The following NSMCE1 variants were observed in gnomAD, a reference collection of about 807,000 sequenced individuals.
The protein encoded by NSMCE1 is NSE1 component of SMC5/6 complex.
In NSMCE1, 18 loss-of-function variants were observed where a neutral mutation model predicts 29.6. The observed-to-expected ratio is 0.61, with a 90% CI of 0.42 to 0.90. NSMCE1 has a LOEUF of 0.90. NSMCE1 is among the 40% of genes least tolerant of loss of function. The pLI, the probability that NSMCE1 is intolerant of heterozygous loss-of-function variation, is 0.00. For missense variants in NSMCE1, 314 were observed against 343.6 expected (o/e 0.91, Z 0.68); for synonymous variants, 124 against 133.4 (o/e 0.93, Z 0.49).
intron 1 of NSMCE1, among the ~76,000 whole-genome samples, chr16:27,261,770 T>C (rs1368769623): frequency 5.3e-5 from 8 of 152,186 alleles, no homozygotes; most frequent in Admixed American, 5.2e-4. Flanking sequence ...AAAGGAAAAT[T>C]ACAAGCCAGT....
chr16:27,240,202 C>T (rs1317203149), intron 2 of NSMCE1, among the ~76,000 whole-genome samples: 2 of 152,156 alleles, frequency 1.3e-5, no homozygotes, highest in South Asian at 2.1e-4. Flanking sequence ...CAGACCCCAC[C>T]GTCATCTCGT....
intron 2 of NSMCE1, among the ~76,000 whole-genome samples, chr16:27,254,873 T>A: frequency 2.9e-5 from 2 of 69,146 alleles, no homozygotes; most frequent in Non-Finnish European, 5.9e-5. Context: ...ATGCTTTTTT[T>A]TTTTTTTTTT....
chr16:27,240,261 T>C (rs2083878867), intron 2 of NSMCE1, among the ~76,000 whole-genome samples: 1 of 152,162 alleles, frequency 6.6e-6, no homozygotes, highest in East Asian at 1.9e-4. Context: ...CAAGAGAGAC[T>C]GGGCCAACAG....
intron 1 of NSMCE1, among the ~76,000 whole-genome samples, chr16:27,262,435 G>C (rs1329450643): frequency 6.6e-6 from 1 of 152,006 alleles, no homozygotes; most frequent in Non-Finnish European, 1.5e-5. Context: ...CCAAAATTAA[G>C]GCCATACACC....
At chr16:27,243,071 C>T (rs2083911392) in intron 2 of NSMCE1, among the ~76,000 whole-genome samples, 3 of 152,230 alleles carry the variant, frequency 2.0e-5, no homozygotes, top group Admixed American at 6.5e-5. Context: ...AGGGAGCTGG[C>T]GGCACGCATT....
chr16:27,257,139 C>G (rs1217567902), intron 2 of NSMCE1, among the ~76,000 whole-genome samples: 1 of 152,228 alleles, frequency 6.6e-6, no homozygotes, highest in Admixed American at 6.5e-5. Flanking sequence ...TTACTATCCT[C>G]ACTTTACAGA....
At chr16:27,247,832 G>A (rs1596686841) in intron 2 of NSMCE1, among the ~76,000 whole-genome samples, 1 of 151,962 alleles carries the variant, frequency 6.6e-6, no homozygotes, top group Non-Finnish European at 1.5e-5. Context: ...GAGGCTGAGG[G>A]AGGAGAATCG....
rs747364953 is a variant in NSMCE1 at position 27,257,525 on chromosome 16, G to C, written c.46C>G (p.Arg16Gly). ...GTCATCAGCAACTGGAGGAAGCGCC[G>C]GTGGACATCAGTCATGACGCCCATT... ...RRMGVMTDVH[R>G]RFLQLLMTHG... The change falls in exon 2 of 8, where the codon CGG becomes GGG. Residue 16 changes from arginine to glycine, a missense_variant. Transcript: ENST00000361439. 1 of 1,613,808 alleles carries C rather than the reference G, an allele frequency of 6.2e-7. No individual in the cohort carries two copies. Among genetic ancestry groups the C allele is most frequent in the Non-Finnish European group, 8.5e-7 (1 of 1,179,932 alleles).
At position 27,232,760 on chromosome 16, in the gene NSMCE1, G is replaced by C. The variant is rs1309594733; in HGVS notation, c.483+241C>G. ...GCCCAAGTCCCTGGGCGCGGCTCCT[G>C]GCTCTGCCATTCTGGCTGTGGCATC... On this transcript the variant is annotated intron_variant, in intron 5 of 7. Transcript: ENST00000361439. The surrounding 1 kb of genome is among the most constrained non-coding windows in gnomAD (Gnocchi z 4.5). Among the ~76,000 whole-genome samples, 1 of 152,240 alleles carries C rather than the reference G, an allele frequency of 6.6e-6. No homozygotes were observed. The highest frequency in any genetic ancestry group is 1.5e-5 in the Non-Finnish European group (1 of 68,048).
rs1459861130 is a variant in NSMCE1 at position 27,251,189 on chromosome 16, T to TATATATATAA, written c.136+6245_136+6246insTTATATATAT. 5.9e-3 allele frequency among the ~76,000 whole-genome samples: 345 copies of TATATATATAA among 58,748 alleles called. 8 individuals are homozygous for TATATATATAA. The highest frequency in any genetic ancestry group is 0.021 in the Middle Eastern group (3 of 144). 38.5% of individuals were successfully genotyped at this position (58,748 alleles called of 152,430 possible). A position where few individuals can be genotyped will look rare whatever the true frequency, so the allele number is the denominator to read the frequency against. On this transcript the variant is annotated intron_variant, in intron 2 of 7. Transcript: ENST00000361439. ...ATATATATATATATATATATATATA[T>TATATATATAA]AAATATATATATATATATAAAACTC...
At chr16:27,248,586 T>C (rs1417657928) in intron 2 of NSMCE1, among the ~76,000 whole-genome samples, 1 of 151,742 alleles carries the variant, frequency 6.6e-6, no homozygotes, top group Non-Finnish European at 1.5e-5. Context: ...AATTTTTGTA[T>C]TTTTAGTAGA....
chr16:27,229,743 A>C (rs752821226), intron 5 of NSMCE1, among the ~76,000 whole-genome samples: 24 of 151,942 alleles, frequency 1.6e-4, no homozygotes, highest in Non-Finnish European at 2.9e-4. Context: ...CACCCAGCTA[A>C]CTTTTTTATA....
intron 2 of NSMCE1, among the ~76,000 whole-genome samples, chr16:27,253,212 C>A (rs565913698): frequency 3.7e-4 from 56 of 152,356 alleles, no homozygotes; most frequent in African/African-American, 1.3e-3. Context: ...ATGGGAACCA[C>A]TGATGTACAG....
intron 5 of NSMCE1, among the ~76,000 whole-genome samples, chr16:27,227,715 C>G (rs1025864673): frequency 2.0e-5 from 3 of 152,112 alleles, no homozygotes; most frequent in Non-Finnish European, 2.9e-5. Flanking sequence ...TGCTCAACTG[C>G]CTTTTCTGTT....
intron 5 of NSMCE1, chr16:27,230,589 A>G (rs2083752425): frequency 3.9e-5 from 6 of 152,374 alleles, no homozygotes; most frequent in Admixed American, 3.3e-4. Context: ...GAAGCTGCTC[A>G]CCACAGGCAG....
chr16:27,252,099 C>T (rs1425915909), intron 2 of NSMCE1, among the ~76,000 whole-genome samples: 1 of 152,148 alleles, frequency 6.6e-6, no homozygotes, highest in Non-Finnish European at 1.5e-5. Flanking sequence ...TTGGTCTTTC[C>T]CCCAGGTTCC....
chr16:27,228,299 G>A (rs887104193), intron 5 of NSMCE1, among the ~76,000 whole-genome samples: 1 of 152,130 alleles, frequency 6.6e-6, no homozygotes, highest in Non-Finnish European at 1.5e-5. Flanking sequence ...GGAGGCCGGG[G>A]CACCAGGTGC....
At chr16:27,229,771 G>A (rs951976891) in intron 5 of NSMCE1, among the ~76,000 whole-genome samples, 1 of 152,092 alleles carries the variant, frequency 6.6e-6, no homozygotes, top group Non-Finnish European at 1.5e-5. Context: ...TAGAGACAGG[G>A]TTTCACCATA....
chr16:27,261,064 G>A (rs2084150927), intron 1 of NSMCE1, among the ~76,000 whole-genome samples: 2 of 150,964 alleles, frequency 1.3e-5, no homozygotes, highest in African/African-American at 4.9e-5. Context: ...CTACTCGGGA[G>A]GCTGAGGCAT....
Sources: allele counts gnomAD v4.1 joint callset (sites outside exome capture counted in the v4.1 genomes callset), GRCh38; gene constraint gnomAD v4.1.1; non-coding constraint Gnocchi (gnomAD v3.1); transcripts MANE v1.5; gene names NCBI Gene and HGNC (gene_info 2026-07-23, HGNC 2026-07-21).